The following RNLS variants were observed in gnomAD, a reference collection of about 807,000 sequenced individuals.
RNLS encodes the protein renalase.
In RNLS, 39 loss-of-function variants were observed where a neutral mutation model predicts 39.8. The observed-to-expected ratio is 0.98, with a 90% CI of 0.76 to 1.28. The LOEUF is 1.28. Ranked by LOEUF, RNLS falls within the 50% of genes most tolerant of loss-of-function variation. The pLI, the probability that RNLS is intolerant of heterozygous loss-of-function variation, is 0.00. For missense variants in RNLS, 410 were observed against 413.3 expected, an observed-to-expected ratio of 0.99 and a Z score of 0.07; for synonymous variants, 147 against 150.7, an observed-to-expected ratio of 0.98 and a Z score of 0.18.
intron 5 of RNLS, among the ~76,000 whole-genome samples, chr10:88,333,262 T>G (rs1304348279): frequency 2.6e-5 from 4 of 152,210 alleles, no homozygotes; most frequent in Non-Finnish European, 5.9e-5. Context: ...TTAAATTATT[T>G]TTGGTGTTTT....
At chr10:88,375,855 G>A (rs192937540) in intron 4 of RNLS, among the ~76,000 whole-genome samples, 93 of 152,242 alleles carry the variant, frequency 6.1e-4, no homozygotes, top group Non-Finnish European at 1.2e-3. Flanking sequence ...ATATGGGATT[G>A]GAAGAAGGAT....
intron 5 of RNLS, among the ~76,000 whole-genome samples, chr10:88,360,256 T>C (rs1259294072): frequency 6.6e-6 from 1 of 152,204 alleles, no homozygotes; most frequent in Non-Finnish European, 1.5e-5. Flanking sequence ...AAAGGAAAGA[T>C]GACCCTAGTA....
chr10:88,308,839 A>G (rs911318422), intron 6 of RNLS, among the ~76,000 whole-genome samples: 2 of 152,240 alleles, frequency 1.3e-5, no homozygotes, highest in African/African-American at 4.8e-5. Flanking sequence ...TTGCAGTGCT[A>G]TTCACAATAG....
intron 4 of RNLS, among the ~76,000 whole-genome samples, chr10:88,541,614 A>C (rs1848045457): frequency 6.6e-6 from 1 of 152,318 alleles, no homozygotes; most frequent in Non-Finnish European, 1.5e-5. Flanking sequence ...TCAGGAAATC[A>C]GGGTGAAAAG....
At chr10:88,201,607 C>G in the RNLS span, among the ~76,000 whole-genome samples, 39 of 152,108 alleles carry the variant, frequency 2.6e-4, no homozygotes, top group African/African-American at 9.2e-4. Flanking sequence ...TCCTCCAGTC[C>G]CAGGTGCTAC....
intron 5 of RNLS, among the ~76,000 whole-genome samples, chr10:88,352,457 T>A (rs1391034161): frequency 6.6e-6 from 1 of 152,216 alleles, no homozygotes; most frequent in Non-Finnish European, 1.5e-5. Context: ...ATTGAGATAA[T>A]CCTGTGGCTT....
At chr10:88,269,156 G>A (rs369133377), downstream of RNLS, among the ~76,000 whole-genome samples, 10 of 152,290 alleles carry the variant, frequency 6.6e-5, no homozygotes, top group East Asian at 9.6e-4. Context: ...CAAAATGCAG[G>A]TGCATCAAAT....
the RNLS span, among the ~76,000 whole-genome samples, chr10:88,244,195 A>T: frequency 6.6e-6 from 1 of 152,156 alleles, no homozygotes; most frequent in Non-Finnish European, 1.5e-5. Context: ...TGTACAGCAA[A>T]TGCTGACCTA....
chr10:88,342,078 G>A (rs1233479348), intron 5 of RNLS, among the ~76,000 whole-genome samples: 2 of 152,176 alleles, frequency 1.3e-5, no homozygotes, highest in Non-Finnish European at 2.9e-5. Context: ...CAATGGATTA[G>A]GAGGGAAAGT....
intron 4 of RNLS, among the ~76,000 whole-genome samples, chr10:88,478,566 T>C (rs1843955379): frequency 6.6e-6 from 1 of 152,158 alleles, no homozygotes; most frequent in African/African-American, 2.4e-5. Flanking sequence ...AAAGCATGCC[T>C]GGGCAGGTTG....
At chr10:88,558,749 G>C (rs532347794) in intron 4 of RNLS, among the ~76,000 whole-genome samples, 2 of 152,106 alleles carry the variant, frequency 1.3e-5, no homozygotes, top group African/African-American at 4.8e-5. Flanking sequence ...AATTTAAAAA[G>C]ACAAGAGAAT....
chr10:88,566,744 T>C (rs1417240688), intron 4 of RNLS, among the ~76,000 whole-genome samples: 4 of 152,120 alleles, frequency 2.6e-5, no homozygotes, highest in Non-Finnish European at 1.5e-5. Flanking sequence ...GAGAGGGAGA[T>C]ACTTTAAGCT....
intron 6 of RNLS, among the ~76,000 whole-genome samples, chr10:88,288,319 C>T (rs920233379): frequency 1.3e-5 from 2 of 152,022 alleles, no homozygotes; most frequent in African/African-American, 4.8e-5. Flanking sequence ...AACAGGGATT[C>T]GAACATAGCA....
At chr10:88,199,800 A>G in the RNLS span, among the ~76,000 whole-genome samples, 1 of 152,198 alleles carries the variant, frequency 6.6e-6, no homozygotes, top group East Asian at 1.9e-4. Context: ...CGTTCAAGCC[A>G]GAGAGATTGA....
chr10:88,447,289 T>G (rs1842090952), intron 4 of RNLS, among the ~76,000 whole-genome samples: 1 of 152,200 alleles, frequency 6.6e-6, no homozygotes, highest in Non-Finnish European at 1.5e-5. Context: ...AAAATCTCCT[T>G]AAGCTGATAA....
intron 5 of RNLS, among the ~76,000 whole-genome samples, chr10:88,318,125 A>C (rs970674199): frequency 6.6e-6 from 1 of 152,190 alleles, no homozygotes; most frequent in Non-Finnish European, 1.5e-5. Flanking sequence ...GTGGTGGGAC[A>C]CTGCCCTGCC....
intron 4 of RNLS, 28 bp downstream of exon 4, chr10:88,572,875 G>A: frequency 1.2e-6 from 2 of 1,607,494 alleles, no homozygotes; most frequent in South Asian, 2.2e-5. Context: ...CATTCCCTGA[G>A]GCAGGTAAAT....
At chr10:88,225,760 G>A in the RNLS span, among the ~76,000 whole-genome samples, 3 of 151,940 alleles carry the variant, frequency 2.0e-5, no homozygotes, top group Non-Finnish European at 4.4e-5. Context: ...GACCAATATA[G>A]GGTTGCTAAT....
intron 4 of RNLS, among the ~76,000 whole-genome samples, chr10:88,516,496 T>C (rs1016907654): frequency 6.6e-6 from 1 of 151,986 alleles, no homozygotes; most frequent in African/African-American, 2.4e-5. Context: ...TACAATGGAA[T>C]TACATGGTAT....
Sources: gnomAD v4.1 joint callset for allele counts (sites outside exome capture counted in the v4.1 genomes callset) on GRCh38, gnomAD v4.1.1 for gene constraint, MANE v1.5 for transcripts, NCBI Gene and HGNC (gene_info 2026-07-23, HGNC 2026-07-21) for gene names.